The following PRKCI variants were observed in gnomAD, a reference collection of about 807,000 sequenced individuals.
PRKCI encodes the protein protein kinase C iota type.
PRKCI carries 43 observed loss-of-function variants against 84.0 expected under a neutral mutation model. That is an observed-to-expected ratio of 0.51 (90% CI 0.40 to 0.66). The LOEUF (loss-of-function observed/expected upper bound fraction) is 0.66, where lower values mean the gene tolerates loss of function less well. Among genes scored for constraint, PRKCI ranks in the 30% least tolerant of loss-of-function variants. PRKCI has a pLI of 0.00. For synonymous variants in PRKCI, 216 were observed against 234.4 expected (o/e 0.92, Z 0.72); for missense variants, 459 against 745.6 (o/e 0.62, Z 4.48).
chr3:170,285,345 C>T (rs571952857), intron 12 of PRKCI, among the ~76,000 whole-genome samples: 21 of 152,324 alleles, frequency 1.4e-4, no homozygotes, highest in South Asian at 8.3e-4. Flanking sequence ...TCCCAAAGTG[C>T]TGGGATTACA....
intron 2 of PRKCI, among the ~76,000 whole-genome samples, chr3:170,258,468 G>C (rs190468131): frequency 6.6e-6 from 1 of 151,804 alleles, no homozygotes; most frequent in Non-Finnish European, 1.5e-5. Context: ...ACTGTGCCTG[G>C]CTAATTTTTG....
At chr3:170,289,241 A>G (rs1485252578) in intron 12 of PRKCI, among the ~76,000 whole-genome samples, 1 of 152,244 alleles carries the variant, frequency 6.6e-6, no homozygotes, top group East Asian at 1.9e-4. Context: ...ATAATAGAAA[A>G]CAATAAAAAC....
rs1450462772 is a variant in PRKCI at position 170,293,470 on chromosome 3, A to G, written c.1379A>G (p.Asp460Gly). 3.7e-6 allele frequency: 6 copies of G among 1,613,902 alleles called. No individual in the cohort carries two copies. Among genetic ancestry groups the G allele is most frequent in the Non-Finnish European group, 4.2e-6 (5 of 1,179,806 alleles). ...RSPFDIVGSS[D>G]NPDQNTEDYL... is the part of the protein sequence containing the mutation. Reference sequence around the variant, plus strand: ...CCATTTGATATTGTTGGGAGCTCCGATAACCCTGACCAGAACACAGAGGAT... The same window carrying G: ...CCATTTGATATTGTTGGGAGCTCCGGTAACCCTGACCAGAACACAGAGGAT... The change falls in exon 14 of 18, where the codon GAT becomes GGT. Residue 460 changes from aspartate (D) to glycine (G), a missense_variant. By Grantham distance (94) the Asp-to-Gly change is moderately conservative. Coordinates refer to ENST00000295797, the MANE Select transcript of PRKCI (RefSeq NM_002740.6).
chr3:170,225,383 C>T (rs1732602026), intron 1 of PRKCI, among the ~76,000 whole-genome samples: 1 of 152,144 alleles, frequency 6.6e-6, no homozygotes, highest in Non-Finnish European at 1.5e-5. Flanking sequence ...TAAAATGAGT[C>T]ACGGACAAGG....
Position 170,269,714 on chromosome 3 carries a change from T to C in PRKCI, c.451-707T>C, listed in dbSNP as rs1420472105. On this transcript the variant is annotated intron_variant, in intron 5 of 17. Coordinates refer to ENST00000295797, the MANE Select transcript of PRKCI (RefSeq NM_002740.6). ...GCTCACACGTGTAATCCCAGCACTT[T>C]GGGAGGCTGAGGTGGGTGGATCACC... Among the ~76,000 whole-genome samples, 4 of 152,118 alleles carry C rather than the reference T, an allele frequency of 2.6e-5. No homozygotes were observed. The East Asian group carries it at 7.7e-4, about 29-fold the overall frequency.
At chr3:170,277,709 A>AG (rs1553843463) in intron 8 of PRKCI, among the ~76,000 whole-genome samples, 5 of 151,750 alleles carry the variant, frequency 3.3e-5, no homozygotes, top group African/African-American at 1.2e-4. Context: ...AAAAAAAAAA[A>AG]GAAAATTACA....
intron 1 of PRKCI, among the ~76,000 whole-genome samples, chr3:170,225,910 T>TTTTA (rs889748767): frequency 6.6e-5 from 10 of 151,916 alleles, no homozygotes; most frequent in African/African-American, 2.4e-4. Context: ...TTTTATTTTA[T>TTTTA]TTTATTTATT....
At chr3:170,227,551 T>C (rs1732663861) in intron 1 of PRKCI, among the ~76,000 whole-genome samples, 1 of 152,206 alleles carries the variant, frequency 6.6e-6, no homozygotes, top group Admixed American at 6.5e-5. Context: ...GCCTGGTGAA[T>C]AATGATGTTA....
At chr3:170,259,930 G>A in intron 2 of PRKCI, 39 bp from the exon 3 acceptor site, 1 of 1,318,356 alleles carries the variant, frequency 7.6e-7, no homozygotes, top group Non-Finnish European at 1.1e-6. Flanking sequence ...ACATTTAGGG[G>A]TTTTAAAGTG....
rs1733970176 is a variant in PRKCI at position 170,270,404 on chromosome 3, T to C, written c.451-17T>C. 3.2e-6 allele frequency: 5 copies of C among 1,578,548 alleles called. No homozygotes were observed. The highest frequency in any genetic ancestry group is 1.7e-5 in the Admixed American group (1 of 58,062). On this transcript the variant is annotated splice_polypyrimidine_tract_variant and intron_variant, in intron 5 of 17. Coordinates refer to ENST00000295797, the MANE Select transcript of PRKCI (RefSeq NM_002740.6). ...ACCTTCTTGGTTAATAAAATATTGT[T>C]GAATTACTCTTTTCAGCGTGCTCAC...
In PRKCI at chr3:170,270,669, G is replaced by A. The variant is rs1733980758; in HGVS notation, c.591+108G>A. The A allele has an allele frequency of 1.2e-5, 16 of 1,315,330 alleles. No homozygotes were observed. The Admixed American group carries it at 4.3e-4, about 35-fold the overall frequency. The allele number at this position is 1,315,330 out of a possible 1,614,324, so 81.5% of individuals were successfully genotyped here. On this transcript the variant is annotated intron_variant, in intron 6 of 17. Coordinates refer to ENST00000295797, the MANE Select transcript of PRKCI (RefSeq NM_002740.6). ...GGTGTTCAGGAATTACAGCACAACA[G>A]AGTAGCTACAGAGTATGGGGAGGAA...
At chr3:170,228,588 CAT>C (rs1297261713) in intron 1 of PRKCI, among the ~76,000 whole-genome samples, 2 of 148,058 alleles carry the variant, frequency 1.4e-5, no homozygotes, top group Admixed American at 1.4e-4. Flanking sequence ...CACACACAGA[CAT>C]ACACACACAC....
At chr3:170,253,973 T>C (rs1733519488) in intron 2 of PRKCI, among the ~76,000 whole-genome samples, 1 of 151,564 alleles carries the variant, frequency 6.6e-6, no homozygotes, top group Non-Finnish European at 1.5e-5. Flanking sequence ...GGCACGTGCC[T>C]GCAATCCCAG....
Position 170,270,575 on chromosome 3 carries a change from C to CG in PRKCI, c.591+14_591+15insG. 1.4e-6 allele frequency: 2 copies of CG among 1,415,120 alleles called. No individual in the cohort carries two copies. Among genetic ancestry groups the CG allele is most frequent in the Non-Finnish European group, 1.8e-6 (2 of 1,090,790 alleles). The allele number at this position is 1,415,120 out of a possible 1,614,324, so 87.7% of individuals were successfully genotyped here. A position where few individuals can be genotyped will look rare whatever the true frequency, so the allele number is the denominator to read the frequency against. On this transcript the variant is annotated intron_variant, in intron 6 of 17. Coordinates refer to ENST00000295797, the MANE Select transcript of PRKCI (RefSeq NM_002740.6). ...TCTTTGCCACAGGTAAGATGTCTGT[C>CG]CTTTTTTTTTTTTTTTTTTTTAAGA...
intron 17 of PRKCI, among the ~76,000 whole-genome samples, chr3:170,302,610 G>A (rs1400303119): frequency 6.6e-6 from 1 of 152,136 alleles, no homozygotes; most frequent in Non-Finnish European, 1.5e-5. Context: ...GTCTCTCAGT[G>A]TACTTGTTCC....
At chr3:170,244,259 G>A (rs1300842031) in intron 2 of PRKCI, among the ~76,000 whole-genome samples, 1 of 152,070 alleles carries the variant, frequency 6.6e-6, no homozygotes, top group Admixed American at 6.6e-5. Flanking sequence ...CTCTAAGGTG[G>A]GACTTTTCAG....
At chr3:170,252,648 G>A (rs553533902) in intron 2 of PRKCI, among the ~76,000 whole-genome samples, 1 of 150,800 alleles carries the variant, frequency 6.6e-6, no homozygotes, top group African/African-American at 2.4e-5. Flanking sequence ...GCTCAGGCTG[G>A]AGTATAGTAG....
chr3:170,278,985 G>T (rs1352927575), intron 8 of PRKCI, among the ~76,000 whole-genome samples: 1 of 152,124 alleles, frequency 6.6e-6, no homozygotes, highest in African/African-American at 2.4e-5. Flanking sequence ...AGATTTGGAG[G>T]GGTCAGATAT....
intron 4 of PRKCI, among the ~76,000 whole-genome samples, chr3:170,264,691 A>G (rs183087399): frequency 3.8e-4 from 58 of 152,348 alleles, no homozygotes; most frequent in African/African-American, 1.3e-3. Context: ...AACCAACCAG[A>G]GTCCACAGTG....
Sources: allele counts gnomAD v4.1 joint callset (sites outside exome capture counted in the v4.1 genomes callset), GRCh38; gene constraint gnomAD v4.1.1; transcripts MANE v1.5; gene names NCBI Gene and HGNC (gene_info 2026-07-23, HGNC 2026-07-21).